The following IMPA2 variants were observed in gnomAD, a reference collection of about 807,000 sequenced individuals.
IMPA2 encodes IMP 2.
A neutral mutation model predicts 35.1 loss-of-function variants in IMPA2; 32 were observed. The ratio of observed to expected loss-of-function variants is 0.91; its 90% CI spans 0.69 to 1.23. IMPA2 has a LOEUF of 1.23. IMPA2 is among the 50% of genes most tolerant of loss of function. The pLI is 0.00. For synonymous variants in IMPA2, 135 were observed against 160.6 expected, an observed-to-expected ratio of 0.84 and a Z score of 1.20; for missense variants, 334 against 387.6, an observed-to-expected ratio of 0.86 and a Z score of 1.16.
chr18:12,004,031 C>G (rs1907187879), intron 2 of IMPA2, among the ~76,000 whole-genome samples: 1 of 152,238 alleles, frequency 6.6e-6, no homozygotes, highest in South Asian at 2.1e-4. Flanking sequence ...TGCTGCCCTG[C>G]AGTGCCCAGC....
intron 7 of IMPA2, 140 bp downstream of exon 7, chr18:12,029,133 T>TTG: frequency 1.3e-6 from 1 of 743,318 alleles, no homozygotes. Flanking sequence ...TTTTTTTTTT[T>TTG]GAGACGGGGT....
chr18:12,003,665 GA>G (rs1568031407), intron 2 of IMPA2, among the ~76,000 whole-genome samples: 1,767 of 71,070 alleles, frequency 0.025, 51 homozygotes, highest in African/African-American at 0.082. Context: ...AAAAAAAAAA[GA>G]AAAGGAAAAA....
intron 1 of IMPA2, among the ~76,000 whole-genome samples, chr18:11,984,784 G>A (rs187783745): frequency 1.2e-3 from 178 of 151,728 alleles, no homozygotes; most frequent in African/African-American, 4.2e-3. Flanking sequence ...TGGCTAACAC[G>A]GTGAAACCTC....
At chr18:11,999,786 G>A (rs1907066974) in intron 2 of IMPA2, among the ~76,000 whole-genome samples, 1 of 152,222 alleles carries the variant, frequency 6.6e-6, no homozygotes, top group Non-Finnish European at 1.5e-5. Context: ...CACCCTTTGA[G>A]TATTTGATGC....
chr18:11,988,493 C>T (rs1427221320), intron 1 of IMPA2, among the ~76,000 whole-genome samples: 1 of 152,078 alleles, frequency 6.6e-6, no homozygotes, highest in African/African-American at 2.4e-5. Flanking sequence ...TATAGGGGAC[C>T]ACCCTGGCTG....
chr18:12,025,479 A>T (rs539384794), intron 5 of IMPA2, among the ~76,000 whole-genome samples: 2 of 152,320 alleles, frequency 1.3e-5, no homozygotes, highest in East Asian at 3.9e-4. Flanking sequence ...ACCATTTTGC[A>T]TTTCCACCAG....
At position 12,014,343 on chromosome 18, in the gene IMPA2, G is replaced by A. The variant is rs766727427; in HGVS notation, c.460G>A (p.Gly154Ser). 1 of 1,604,434 alleles carries A rather than the reference G, an allele frequency of 6.2e-7. No homozygotes were observed. The highest frequency in any genetic ancestry group is 8.5e-7 in the Non-Finnish European group (1 of 1,175,196). Residue 154 changes from glycine to serine, a missense_variant, in exon 5 of 8, where the codon GGC becomes AGC. By Grantham distance (56) the Gly-to-Ser change is moderately conservative (BLOSUM62 0). Coordinates refer to ENST00000269159, the MANE Select transcript of IMPA2 (RefSeq NM_014214.3). ...GRRGRGAFCN[G>S]QRLRVSGETD... ...GCGGGGTCGGGGCGCCTTCTGCAATGGCCAGCGGCTCCGGGTCTCCGGGGA... is the reference window on the plus strand; with the variant it reads ...GCGGGGTCGGGGCGCCTTCTGCAATAGCCAGCGGCTCCGGGTCTCCGGGGA...
chr18:11,983,856 G>A (rs1906578114), intron 1 of IMPA2, among the ~76,000 whole-genome samples: 1 of 152,124 alleles, frequency 6.6e-6, no homozygotes, highest in African/African-American at 2.4e-5. Context: ...ATGCAATCGG[G>A]GGCTGACTGG....
chr18:12,005,806 C>T (rs983677435), intron 2 of IMPA2, among the ~76,000 whole-genome samples: 2 of 152,320 alleles, frequency 1.3e-5, no homozygotes, highest in East Asian at 1.9e-4. Context: ...CACACTGCCT[C>T]CTCCTTCAGG....
intron 2 of IMPA2, among the ~76,000 whole-genome samples, chr18:11,999,736 G>A (rs755094589): frequency 7.9e-5 from 12 of 152,394 alleles, no homozygotes; most frequent in African/African-American, 2.9e-4. Context: ...AGCTGTCCCT[G>A]CAAGAGGCCT....
At chr18:12,024,972 G>A (rs1013595971) in intron 5 of IMPA2, among the ~76,000 whole-genome samples, 2 of 152,050 alleles carry the variant, frequency 1.3e-5, no homozygotes, top group Non-Finnish European at 2.9e-5. Context: ...GTGTTGTAAG[G>A]CATCCACCAT....
At chr18:12,002,507 C>T (rs1171621949) in intron 2 of IMPA2, among the ~76,000 whole-genome samples, 1 of 152,106 alleles carries the variant, frequency 6.6e-6, no homozygotes, top group Non-Finnish European at 1.5e-5. Context: ...GGTGCAGTGG[C>T]TCATGTCTGT....
At position 12,009,498 on chromosome 18, in the gene IMPA2, GC is replaced by G. The variant is rs561219495; in HGVS notation, c.231-383del. 1.8e-4 allele frequency among the ~76,000 whole-genome samples: 27 copies of G among 152,228 alleles called. No homozygotes were observed. In the South Asian group the frequency reaches 5.0e-3, roughly 28 times the overall value. On this transcript the variant is annotated intron_variant, in intron 2 of 7. Coordinates refer to ENST00000269159, the MANE Select transcript of IMPA2 (RefSeq NM_014214.3). ...GGGAGAATCAAAGTCAGAGTCCTGGGCCACCTTGCTTGGTCATATCTCATCA... is the reference window on the plus strand; with the variant it reads ...GGGAGAATCAAAGTCAGAGTCCTGGGCACCTTGCTTGGTCATATCTCATCA...
At chr18:12,020,797 T>G (rs1378609615) in intron 5 of IMPA2, among the ~76,000 whole-genome samples, 2 of 152,202 alleles carry the variant, frequency 1.3e-5, no homozygotes, top group Non-Finnish European at 2.9e-5. Context: ...CTGTGACCTG[T>G]GATTTGGATT....
At chr18:11,994,088 A>G (rs1239049149) in intron 1 of IMPA2, 1 of 152,252 alleles carries the variant, frequency 6.6e-6, no homozygotes, top group Non-Finnish European at 1.5e-5. Context: ...TTAAAAGATT[A>G]TGAAGGCTAG....
chr18:11,999,224 C>G, intron 2 of IMPA2, 37 bp downstream of exon 2: 1 of 1,598,800 alleles, frequency 6.3e-7, no homozygotes, highest in African/African-American at 1.3e-5. Context: ...CCCAGTAACC[C>G]TGGCCACACT....
chr18:12,030,283 A>G (rs1317372342), intron 7 of IMPA2, 60 bp from the exon 8 acceptor site: 3 of 1,291,256 alleles, frequency 2.3e-6, no homozygotes, highest in Non-Finnish European at 3.4e-6. Flanking sequence ...AAGTTGTTAC[A>G]CAACATTGTT....
At chr18:12,026,837 T>C (rs1598706937) in intron 5 of IMPA2, among the ~76,000 whole-genome samples, 1 of 152,134 alleles carries the variant, frequency 6.6e-6, no homozygotes, top group Admixed American at 6.5e-5. Flanking sequence ...AGGGCAGGAG[T>C]GCCCTCATAG....
rs1226269606 is a variant in IMPA2 at position 12,028,105 on chromosome 18, C to T, written c.553C>T (p.Leu185=). The part of the protein sequence containing the change: ...GPKRDPATLK[L]FLSNMERLLH... ...CAAACGTGACCCTGCGACCCTGAAGCTGTTCCTGAGTAACATGGAGCGGCT... is the reference window on the plus strand; with the variant it reads ...CAAACGTGACCCTGCGACCCTGAAGTTGTTCCTGAGTAACATGGAGCGGCT... Residue 185 remains leucine (L), a synonymous_variant, in exon 6 of 8, where the codon CTG becomes TTG. Transcript: ENST00000269159. 6.2e-7 allele frequency: 1 copy of T among 1,614,016 alleles called. No homozygotes were observed. Among genetic ancestry groups the T allele is most frequent in the Non-Finnish European group, 8.5e-7 (1 of 1,179,990 alleles).
Sources: gnomAD v4.1 joint callset for allele counts (sites outside exome capture counted in the v4.1 genomes callset) on GRCh38, gnomAD v4.1.1 for gene constraint, MANE v1.5 for transcripts, NCBI Gene and HGNC (gene_info 2026-07-23, HGNC 2026-07-21) for gene names.